The following CCDC171 variants were observed in gnomAD, a reference collection of about 807,000 sequenced individuals.
CCDC171 encodes the protein coiled-coil domain containing 171, also known as coiled-coil domain-containing protein 171.
Under a neutral mutation model 168.2 loss-of-function variants are expected in CCDC171, and 177 were observed. The observed-to-expected ratio is 1.05, with a 90% CI of 0.93 to 1.19. CCDC171 has a LOEUF of 1.19. Among genes scored for constraint, CCDC171 ranks in the 50% most tolerant of loss-of-function variants. The pLI, the probability that CCDC171 is intolerant of heterozygous loss-of-function variation, is 0.00. For synonymous variants in CCDC171, 687 were observed against 540.8 expected, an observed-to-expected ratio of 1.27 and a Z score of -3.75; for missense variants, 1,991 against 1,539.0, an observed-to-expected ratio of 1.29 and a Z score of -4.91.
intron 7 of CCDC171, among the ~76,000 whole-genome samples, chr9:15,649,288 A>G (rs1472985883): frequency 6.6e-6 from 1 of 152,248 alleles, no homozygotes; most frequent in Non-Finnish European, 1.5e-5. Context: ...CTAAAACCAT[A>G]AAAACCCTAG....
chr9:15,798,343 A>T (rs960908701), intron 21 of CCDC171, among the ~76,000 whole-genome samples: 8 of 152,038 alleles, frequency 5.3e-5, no homozygotes, highest in African/African-American at 1.2e-4. Flanking sequence ...TTTGTTGTTC[A>T]TTTCAAAAAA....
chr9:15,999,585 A>G (rs56312242), intron 3 of CCDC171, among the ~76,000 whole-genome samples: 2,736 of 152,274 alleles, frequency 0.018, 100 homozygotes, highest in African/African-American at 0.063. Context: ...ATAGTGGTGC[A>G]GCATCTGCAC....
the CCDC171 span, among the ~76,000 whole-genome samples, chr9:16,078,969 A>G: frequency 6.6e-6 from 1 of 152,224 alleles, no homozygotes; most frequent in Non-Finnish European, 1.5e-5. Context: ...GGTCACCACT[A>G]GATATTTTCC....
intron 14 of CCDC171, among the ~76,000 whole-genome samples, chr9:15,727,597 A>G (rs1380866320): frequency 1.3e-5 from 2 of 152,194 alleles, no homozygotes; most frequent in Non-Finnish European, 2.9e-5. Context: ...CTCAAATCAC[A>G]ACCTCCATCA....
At chr9:15,970,847 G>A (rs1317012918) in intron 25 of CCDC171, among the ~76,000 whole-genome samples, 1 of 152,148 alleles carries the variant, frequency 6.6e-6, no homozygotes, top group East Asian at 1.9e-4. Context: ...TAGAGACTGA[G>A]CACCAGGGAC....
At chr9:16,053,172 C>A (rs544661334) in intron 1 of CCDC171, among the ~76,000 whole-genome samples, 1 of 152,248 alleles carries the variant, frequency 6.6e-6, no homozygotes, top group Non-Finnish European at 1.5e-5. Flanking sequence ...TATTGGAGAT[C>A]TACAGGCAGC....
At chr9:15,995,483 C>T (rs938470179) in intron 3 of CCDC171, among the ~76,000 whole-genome samples, 4 of 152,234 alleles carry the variant, frequency 2.6e-5, no homozygotes, top group Admixed American at 1.3e-4. Context: ...AGCAAGTTTA[C>T]ACTTAGGTGT....
At chr9:15,608,944 C>CAAA (rs71491669) in intron 6 of CCDC171, among the ~76,000 whole-genome samples, 4,406 of 13,672 alleles carry the variant, frequency 0.32, 1,378 homozygotes, top group East Asian at 0.51. Context: ...GACCCTGTCT[C>CAAA]AAAAAAAAAA....
intron 6 of CCDC171, among the ~76,000 whole-genome samples, chr9:15,613,341 A>G (rs764551973): frequency 2.6e-5 from 4 of 152,142 alleles, no homozygotes; most frequent in Non-Finnish European, 5.9e-5. Context: ...CAGTTTTAGC[A>G]TAGGTTAATT....
In CCDC171 at chr9:15,598,073, A is replaced by G. The variant is rs185076119; in HGVS notation, c.675+3901A>G. Among the ~76,000 whole-genome samples, 744 of 151,924 alleles carry G rather than the reference A, an allele frequency of 4.9e-3. 10 individuals are homozygous for G. Among genetic ancestry groups the G allele is most frequent in the African/African-American group, 0.017 (700 of 41,400 alleles). ...GATTAGTCTTGCTAGCGGTCTATCA[A>G]TTTTGTTGATCTTTTCAAAAAACCA... is the stretch of plus-strand genomic sequence containing the variant. On this transcript the variant is annotated intron_variant, in intron 6 of 25. Transcript: ENST00000380701.
intron 21 of CCDC171, among the ~76,000 whole-genome samples, chr9:15,785,777 A>G (rs1251850460): frequency 1.3e-5 from 2 of 152,006 alleles, no homozygotes; most frequent in Admixed American, 1.3e-4. Context: ...CCACCACATC[A>G]TATGTTCCAC....
At chr9:15,996,417 C>CT (rs34798326) in intron 3 of CCDC171, among the ~76,000 whole-genome samples, 3,389 of 62,674 alleles carry the variant, frequency 0.054, 8 homozygotes, top group Non-Finnish European at 0.063. Context: ...CTAGGAGGCT[C>CT]TTTTTTTTTT....
In CCDC171 at chr9:15,973,475, C is replaced by T. The variant is rs747479432; in HGVS notation, c.*1639C>T. 7 of 152,086 alleles carry T rather than the reference C, an allele frequency of 4.6e-5. No individual in the cohort carries two copies. Among genetic ancestry groups the T allele is most frequent in the African/African-American group, 1.4e-4 (6 of 41,432 alleles). The allele number at this position is 152,086 out of a possible 1,614,324, so 9.4% of individuals were successfully genotyped here. A position where few individuals can be genotyped will look rare whatever the true frequency, so the allele number is the denominator to read the frequency against. ...TGAGGGAACACAGCAGTATTACTGT[C>T]GTACTGTGTAACACATCCTATTCTT... On this transcript the variant is annotated 3_prime_UTR_variant, in exon 26 of 26. Coordinates refer to ENST00000380701, the MANE Select transcript of CCDC171 (RefSeq NM_173550.4).
At chr9:15,676,161 G>T (rs901858120) in intron 9 of CCDC171, among the ~76,000 whole-genome samples, 16 of 151,820 alleles carry the variant, frequency 1.1e-4, no homozygotes, top group Admixed American at 3.9e-4. Context: ...CCACTTGATC[G>T]AATTGGCTAT....
At chr9:15,967,229 G>A (rs1830889141) in intron 25 of CCDC171, among the ~76,000 whole-genome samples, 2 of 152,180 alleles carry the variant, frequency 1.3e-5, no homozygotes, top group South Asian at 4.1e-4. Context: ...AATGGCAAGG[G>A]AGCCTCACTG....
intron 7 of CCDC171, among the ~76,000 whole-genome samples, chr9:15,656,495 G>A (rs2047948562): frequency 2.0e-5 from 3 of 152,194 alleles, no homozygotes; most frequent in Non-Finnish European, 2.9e-5. Flanking sequence ...ATGTCCATCA[G>A]TAGGTGAACA....
At chr9:15,771,640 A>G (rs2057018893) in intron 18 of CCDC171, among the ~76,000 whole-genome samples, 1 of 152,156 alleles carries the variant, frequency 6.6e-6, no homozygotes, top group Non-Finnish European at 1.5e-5. Context: ...TATAGTTTAA[A>G]ATTATTAATC....
chr9:16,087,557 C>CTTTTTTTTTTT, the CCDC171 span, among the ~76,000 whole-genome samples: 21 of 78,786 alleles, frequency 2.7e-4, no homozygotes, highest in South Asian at 9.9e-4. Flanking sequence ...GCAACTCCTG[C>CTTTTTTTTTTT]TTTTTTTTTT....
chr9:16,039,745 TC>T (rs2133053807), upstream of CCDC171, among the ~76,000 whole-genome samples: 1 of 152,232 alleles, frequency 6.6e-6, no homozygotes, highest in African/African-American at 2.4e-5. Context: ...CCTACTCATG[TC>T]CCTCTTCTTG....
Sources: allele counts gnomAD v4.1 joint callset (sites outside exome capture counted in the v4.1 genomes callset), GRCh38; gene constraint gnomAD v4.1.1; transcripts MANE v1.5; gene names NCBI Gene and HGNC (gene_info 2026-07-23, HGNC 2026-07-21).